AJAP1: variants seen among roughly 807,000 people sequenced by gnomAD.
The protein encoded by AJAP1 is adherens junction-associated protein 1.
Under a neutral mutation model 35.0 loss-of-function variants are expected in AJAP1, and 5 were observed. That is an observed-to-expected ratio of 0.14 (90% confidence interval 0.07 to 0.30). The LOEUF (loss-of-function observed/expected upper bound fraction) is 0.30. AJAP1 is among the 10% of genes least tolerant of loss of function. AJAP1 has a pLI of 1.00. For synonymous variants in AJAP1, 284 were observed against 249.3 expected (o/e 1.14, Z -1.31); for missense variants, 586 against 571.0 (o/e 1.03, Z -0.27).
At chr1:4,742,000 A>G (rs1398861687) in intron 2 of AJAP1, among the ~76,000 whole-genome samples, 1 of 152,260 alleles carries the variant, frequency 6.6e-6, no homozygotes, top group Non-Finnish European at 1.5e-5. Flanking sequence ...TTATGGTAGA[A>G]TGCCAGGTGA....
At position 4,783,519 on chromosome 1, in the gene AJAP1, GTGTA is replaced by G. The variant is rs1353382269; in HGVS notation, c.*1036_*1039del. 7.9e-6 allele frequency: 1 copy of G among 126,634 alleles called. No individual in the cohort carries two copies. The highest frequency in any genetic ancestry group is 3.3e-5 in the African/African-American group (1 of 30,616). 7.8% of individuals were successfully genotyped at this position (126,634 alleles called of 1,614,324 possible). ...TATATATATATATATATGTTTGTGT[GTGTA>G]TATATATATATATATATATATGTTT... On this transcript the variant is annotated 3_prime_UTR_variant, in exon 6 of 6. Coordinates refer to ENST00000378191, the MANE Select transcript of AJAP1 (RefSeq NM_018836.4).
Position 4,783,087 on chromosome 1 carries a change from A to G in AJAP1, c.*602A>G, listed in dbSNP as rs1358323066. On this transcript the variant is annotated 3_prime_UTR_variant, in exon 6 of 6. Transcript: ENST00000378191. The stretch of plus-strand genomic sequence containing the variant: ...CTGTAGCAATTTTTGAAGATCTTAA[A>G]TGTTCCTTTTTAAAAAAAAGAATTG... 2.8e-5 allele frequency: 10 copies of G among 363,308 alleles called. No homozygotes were observed. The highest frequency in any genetic ancestry group is 4.4e-5 in the Non-Finnish European group (9 of 206,176). The allele number at this position is 363,308 out of a possible 1,614,324, so 22.5% of individuals were successfully genotyped here.
Position 4,657,095 on chromosome 1 carries a change from AACAG to A in AJAP1, c.29+1645_29+1648del, listed in dbSNP as rs369166958. Among the ~76,000 whole-genome samples the A allele has an allele frequency of 1.7e-3, 256 of 152,264 alleles. 2 individuals carry two copies. Among genetic ancestry groups the A allele is most frequent in the African/African-American group, 5.8e-3 (240 of 41,552 alleles). ...TTGATTCCTGATGGCAACTTATTTG[AACAG>A]ACATTTTTTTTTATTGCTAAGTTGC... On this transcript the variant is annotated intron_variant, in intron 1 of 5. Transcript: ENST00000378191.
chr1:4,660,465 T>C (rs1034487991), intron 1 of AJAP1, among the ~76,000 whole-genome samples: 1 of 152,022 alleles, frequency 6.6e-6, no homozygotes. Context: ...ATGTTACCAC[T>C]GGGGGAATCT....
At chr1:4,740,724 T>C (rs1400092503) in intron 2 of AJAP1, among the ~76,000 whole-genome samples, 2 of 123,826 alleles carry the variant, frequency 1.6e-5, no homozygotes, top group Non-Finnish European at 3.2e-5. Flanking sequence ...AGGAGGAGCT[T>C]ACAGTGAGCC....
rs773146883 is a variant in AJAP1, at chr1:4,712,266, TTCGTCC to T, written c.411_416del (p.Ser138_Ser139del). 1.5e-5 allele frequency: 23 copies of T among 1,522,518 alleles called. No individual in the cohort carries two copies. The African/African-American group carries it at 1.5e-4, about 10-fold the overall frequency. The allele number at this position is 1,522,518 out of a possible 1,614,324, so 94.3% of individuals were successfully genotyped here. ...CCAAATCCAGCCCTTCCCTCGCCTC[TTCGTCC>T]TCGTCCTCGTCCTCCGCGGTGGCCG... is the stretch of plus-strand genomic sequence containing the variant. On this transcript the variant is annotated inframe_deletion, in exon 2 of 6. Coordinates refer to ENST00000378191, the MANE Select transcript of AJAP1 (RefSeq NM_018836.4).
rs1642231906 is a variant in AJAP1 at position 4,790,527 on chromosome 1, A to C, written c.*8042A>C. 6.6e-6 allele frequency: 1 copy of C among 152,260 alleles called. No individual in the cohort carries two copies. Among genetic ancestry groups the C allele is most frequent in the Non-Finnish European group, 1.5e-5 (1 of 68,060 alleles). The allele number at this position is 152,260 out of a possible 1,614,324, so 9.4% of individuals were successfully genotyped here. ...GTTTTGAAAAGCCCGCTGGCGTGCC[A>C]GAGGGGGTGTTTGCCCACACCCTCC... On this transcript the variant is annotated 3_prime_UTR_variant, in exon 6 of 6. Coordinates refer to ENST00000378191, the MANE Select transcript of AJAP1 (RefSeq NM_018836.4).
At chr1:4,684,017 G>A (rs966711278) in intron 1 of AJAP1, among the ~76,000 whole-genome samples, 1 of 152,196 alleles carries the variant, frequency 6.6e-6, no homozygotes, top group Non-Finnish European at 1.5e-5. Flanking sequence ...GAAGGAGATG[G>A]AGGAAGGAGG....
intron 2 of AJAP1, among the ~76,000 whole-genome samples, chr1:4,721,490 C>T (rs2100282975): frequency 6.6e-6 from 1 of 152,302 alleles, no homozygotes; most frequent in East Asian, 1.9e-4. Context: ...GTCGGATGTC[C>T]CCACCATGTG....
At chr1:4,767,313 C>T (rs1641704766) in intron 2 of AJAP1, among the ~76,000 whole-genome samples, 1 of 151,856 alleles carries the variant, frequency 6.6e-6, no homozygotes, top group African/African-American at 2.4e-5. Context: ...CTATCACCGT[C>T]ATCACCATCA....
At chr1:4,708,825 A>G (rs1359452737) in intron 1 of AJAP1, among the ~76,000 whole-genome samples, 1 of 128,152 alleles carries the variant, frequency 7.8e-6, no homozygotes, top group East Asian at 4.6e-4. Context: ...CCTGCCCCCC[A>G]CATTTCTTGG....
At position 4,785,990 on chromosome 1, in the gene AJAP1, CT is replaced by C. The variant is rs1264470638; in HGVS notation, c.*3507del. The C allele has an allele frequency of 3.9e-5, 6 of 152,320 alleles. No individual in the cohort carries two copies. Among genetic ancestry groups the C allele is most frequent in the Non-Finnish European group, 8.8e-5 (6 of 68,032 alleles). 9.4% of individuals were successfully genotyped at this position (152,320 alleles called of 1,614,324 possible). On this transcript the variant is annotated 3_prime_UTR_variant, in exon 6 of 6. Transcript: ENST00000378191. ...CAAAGTCGCTGCTAGTCTTCACACG[CT>C]TGATGTCACTTTGTCTGATTGGAAT... is the stretch of plus-strand genomic sequence containing the variant.
chr1:4,734,056 A>G lies in AJAP1; in HGVS notation c.829+21357A>G, dbSNP rs1235333733. Among the ~76,000 whole-genome samples the G allele has an allele frequency of 1.3e-5, 2 of 152,150 alleles. No homozygotes were observed. Among genetic ancestry groups the G allele is most frequent in the African/African-American group, 4.8e-5 (2 of 41,428 alleles). On this transcript the variant is annotated intron_variant, in intron 2 of 5. Transcript: ENST00000378191. The surrounding 1 kb of genome is among the most constrained non-coding windows in gnomAD (Gnocchi z 4.3). ...TTTTGTAAGCGATCACGTACCGAGT[A>G]TTGACTTGGCTCAGCCCAGGAAAAG...
Position 4,782,312 on chromosome 1 carries a change from ACTTCATACC to A in AJAP1, c.*60-229_*60-221del, listed in dbSNP as rs1244220939. 2.6e-5 allele frequency among the ~76,000 whole-genome samples: 4 copies of A among 152,138 alleles called. No individual in the cohort carries two copies. The highest frequency in any genetic ancestry group is 5.9e-5 in the Non-Finnish European group (4 of 68,006). ...AGAATTCCACAAGGTTCAGGCTCCC[ACTTCATACC>A]CTTGGGATTCCCAGTGTTTCTTCCA... On this transcript the variant is annotated intron_variant, in intron 5 of 5. Transcript: ENST00000378191. This position sits in a 1 kb window ranked among gnomAD's most constrained non-coding sequence, Gnocchi z 5.3.
Position 4,712,204 on chromosome 1 carries a change from G to T in AJAP1, c.334G>T (p.Val112Leu). ...GCCCCGGGACCAGGCGGCCGCCCTC[G>T]TGCCCAAGGCAGGACTGGCCAAGCC... is the stretch of plus-strand genomic sequence containing the variant. ...HRPRDQAAAL[V>L]PKAGLAKPPA... Residue 112 changes from valine to leucine, a missense_variant, in exon 2 of 6, where the codon GTG becomes TTG. Val to Leu is a conservative substitution (Grantham distance 32). Transcript: ENST00000378191. 1.3e-6 allele frequency: 2 copies of T among 1,564,220 alleles called. No homozygotes were observed. The highest frequency in any genetic ancestry group is 1.9e-5 in the Admixed American group (1 of 53,528).
rs150332235 is a variant in AJAP1, at chr1:4,723,375, G to A, written c.829+10676G>A. On this transcript the variant is annotated intron_variant, in intron 2 of 5. Transcript: ENST00000378191. This position sits in a 1 kb window ranked among gnomAD's most constrained non-coding sequence, Gnocchi z 4.3. ...CGGAGTAGAAGCTCAGCGGAGCCTCGGGTGTGTGGAAGGTCTGGAAGGCCA... is the reference window on the plus strand; with the variant it reads ...CGGAGTAGAAGCTCAGCGGAGCCTCAGGTGTGTGGAAGGTCTGGAAGGCCA... 1.5e-4 allele frequency among the ~76,000 whole-genome samples: 23 copies of A among 152,296 alleles called. No homozygotes were observed. Among genetic ancestry groups the A allele is most frequent in the Admixed American group, 4.6e-4 (7 of 15,298 alleles).
chr1:4,668,062 A>T (rs1639172430), intron 1 of AJAP1, among the ~76,000 whole-genome samples: 1 of 152,116 alleles, frequency 6.6e-6, no homozygotes, highest in South Asian at 2.1e-4. Flanking sequence ...TAAAAATACA[A>T]AAATTAGCCA....
chr1:4,775,850 G>A (rs1205456115), intron 5 of AJAP1, among the ~76,000 whole-genome samples: 1 of 152,218 alleles, frequency 6.6e-6, no homozygotes, highest in Non-Finnish European at 1.5e-5. Context: ...TCAGAAGCCA[G>A]TGCCTTTGTC....
chr1:4,721,032 G>A (rs911338521), intron 2 of AJAP1, among the ~76,000 whole-genome samples: 1 of 152,212 alleles, frequency 6.6e-6, no homozygotes, highest in Non-Finnish European at 1.5e-5. Context: ...CAAGGGGCAC[G>A]ACTCTCCCCT....
Sources: allele counts gnomAD v4.1 joint callset (sites outside exome capture counted in the v4.1 genomes callset), GRCh38; gene constraint gnomAD v4.1.1; non-coding constraint Gnocchi (gnomAD v3.1); transcripts MANE v1.5; gene names NCBI Gene and HGNC (gene_info 2026-07-23, HGNC 2026-07-21).